The following ITPRIPL2 variants were observed in gnomAD, a reference collection of about 807,000 sequenced individuals.
ITPRIPL2 encodes the protein inositol 1,4,5-trisphosphate receptor-interacting protein-like 2.
In ITPRIPL2, 29 loss-of-function variants were observed where a neutral mutation model predicts 31.7. The observed-to-expected ratio is 0.91, with a 90% CI of 0.68 to 1.25. The LOEUF (loss-of-function observed/expected upper bound fraction) is 1.25, where lower values mean the gene tolerates loss of function less well. Ranked by LOEUF, ITPRIPL2 falls within the 50% of genes most tolerant of loss-of-function variation. ITPRIPL2 has a pLI of 0.00. For synonymous variants in ITPRIPL2, 344 were observed against 343.4 expected, an observed-to-expected ratio of 1.00 and a Z score of -0.02; for missense variants, 696 against 739.1, an observed-to-expected ratio of 0.94 and a Z score of 0.68.
In ITPRIPL2 at chr16:19,115,927, G is replaced by A. The variant is rs903354859; in HGVS notation, c.1466G>A (p.Arg489Gln). The A allele has an allele frequency of 6.8e-6, 11 of 1,612,244 alleles. No homozygotes were observed. In the African/African-American group the frequency reaches 1.1e-4, roughly 16 times the overall value. Residue 489 changes from arginine to glutamine, a missense_variant, in exon 1 of 1, where the codon CGG (arginine) becomes CAG (glutamine). Coordinates refer to ENST00000381440, the MANE Select transcript of ITPRIPL2 (RefSeq NM_001034841.4). ...CTGGCCGCTTTCGACGGGCACGCCC[G>A]GGAACTTGCAGCAGCGCGGTTGCTG... The part of the protein sequence containing the change: ...DLLAAFDGHA[R>Q]ELAAARLLST...
Position 19,115,861 on chromosome 16 carries a change from C to A in ITPRIPL2, c.1400C>A (p.Pro467His). ...GPGGAAAEVGPLPKALREAAP... is the reference protein window; with the variant it reads ...GPGGAAAEVGHLPKALREAAP... ...GGTGGGGCGGCTGCCGAGGTGGGTC[C>A]CCTGCCCAAGGCACTGAGGGAAGCC... Residue 467 changes from proline to histidine, a missense_variant, in exon 1 of 1, where the codon CCC becomes CAC. Coordinates refer to ENST00000381440, the MANE Select transcript of ITPRIPL2 (RefSeq NM_001034841.4). The A allele has an allele frequency of 6.2e-7, 1 of 1,612,084 alleles. No individual in the cohort carries two copies. Among genetic ancestry groups the A allele is most frequent in the Non-Finnish European group, 8.5e-7 (1 of 1,179,750 alleles).
rs1347657064 is a variant in ITPRIPL2, at chr16:19,114,581, C to T, written c.120C>T (p.Pro40=). The T allele has an allele frequency of 1.0e-5, 16 of 1,568,022 alleles. No homozygotes were observed. The highest frequency in any genetic ancestry group is 1.3e-5 in the African/African-American group (1 of 74,396). ...LRGSGGARAE[P]ADGVDGGFPL... ...GAAGCGGGGGCGCCCGGGCCGAGCC[C>T]GCCGACGGCGTGGATGGCGGCTTCC... Residue 40 remains proline, a synonymous_variant, in exon 1 of 1, where the codon CCC becomes CCT. Transcript: ENST00000381440.
rs114869688 is a variant in ITPRIPL2 at position 19,115,256 on chromosome 16, T to C, written c.795T>C (p.Thr265=). The change falls in exon 1 of 1, where the codon ACT becomes ACC. Residue 265 remains threonine (T), a synonymous_variant. Transcript: ENST00000381440. ...FQSHLQRSLA[T]VRYSLEGRCR... ...CGCATCTGCAGCGCTCCTTGGCCACTGTGCGTTACAGCCTGGAGGGGCGCT... is the reference window on the plus strand; with the variant it reads ...CGCATCTGCAGCGCTCCTTGGCCACCGTGCGTTACAGCCTGGAGGGGCGCT... 1,336 of 1,612,092 alleles carry C rather than the reference T, an allele frequency of 8.3e-4. 14 individuals carry two copies. In the African/African-American group the frequency reaches 0.015, roughly 18 times the overall value.
Position 19,114,623 on chromosome 16 carries a change from C to G in ITPRIPL2, c.162C>G (p.Ala54=), listed in dbSNP as rs759706617. Residue 54 remains alanine (A), a synonymous_variant, in exon 1 of 1, where the codon GCC becomes GCG. Transcript: ENST00000381440. ...GCGGCTTCCCGTTGCTTAAGGTGGC[C>G]GTCCTGCTCCTCCTCAGCTATGTCC... ...VDGGFPLLKV[A]VLLLLSYVLL... is the part of the protein sequence containing the mutation. 40 of 1,591,066 alleles carry G rather than the reference C, an allele frequency of 2.5e-5. No homozygotes were observed. Among genetic ancestry groups the G allele is most frequent in the East Asian group, 6.7e-5 (3 of 44,608 alleles).
In ITPRIPL2 at chr16:19,115,769, G is replaced by C; in HGVS notation, c.1308G>C (p.Glu436Asp). Residue 436 changes from glutamate (E) to aspartate (D), a missense_variant, in exon 1 of 1, where the codon GAG becomes GAC. Physicochemically the swap from Glu to Asp is conservative, Grantham distance 45. Coordinates refer to ENST00000381440, the MANE Select transcript of ITPRIPL2 (RefSeq NM_001034841.4). ...DEEHLGRCLEELVQFLRDCLL... is the reference protein window; with the variant it reads ...DEEHLGRCLEDLVQFLRDCLL... ...AGCACCTGGGAAGGTGTTTGGAGGA[G>C]TTGGTGCAGTTCCTTAGGGACTGCC... 1.9e-6 allele frequency: 3 copies of C among 1,613,058 alleles called. No individual in the cohort carries two copies. The highest frequency in any genetic ancestry group is 2.5e-6 in the Non-Finnish European group (3 of 1,179,998).
rs1176972392 is a variant in ITPRIPL2, at chr16:19,119,310, T to G, written c.*3241T>G. 2 of 375,744 alleles carry G rather than the reference T, an allele frequency of 5.3e-6. No homozygotes were observed. Among genetic ancestry groups the G allele is most frequent in the East Asian group, 8.0e-5 (2 of 25,036 alleles). The allele number at this position is 375,744 out of a possible 1,614,324, so 23.3% of individuals were successfully genotyped here. On this transcript the variant is annotated 3_prime_UTR_variant, in exon 1 of 1. Transcript: ENST00000381440. ...AAATGGCGTGAGGGTGTGAGAGAGG[T>G]TTGGGTTAGGAAACATGTTTTTAGT...
Position 19,119,926 on chromosome 16 carries a change from C to A in ITPRIPL2, c.*3857C>A, listed in dbSNP as rs1401260090. 3 of 166,946 alleles carry A rather than the reference C, an allele frequency of 1.8e-5. No individual in the cohort carries two copies. Among genetic ancestry groups the A allele is most frequent in the African/African-American group, 7.2e-5 (3 of 41,392 alleles). The allele number at this position is 166,946 out of a possible 1,614,324, so 10.3% of individuals were successfully genotyped here. The stretch of plus-strand genomic sequence containing the variant: ...TGCAGATGAGTAATCAGAAGGATTG[C>A]AGAATAACTTGTTTCTTTGTATTTT... On this transcript the variant is annotated 3_prime_UTR_variant, in exon 1 of 1. Transcript: ENST00000381440.
At position 19,117,383 on chromosome 16, in the gene ITPRIPL2, A is replaced by G. The variant is rs150484946; in HGVS notation, c.*1314A>G. The stretch of plus-strand genomic sequence containing the variant: ...GGCAGAGGAGACAAATTAGGAAAAG[A>G]GCAAGGGAGACAGCCCTTGACGGCA... On this transcript the variant is annotated 3_prime_UTR_variant, in exon 1 of 1. Coordinates refer to ENST00000381440, the MANE Select transcript of ITPRIPL2 (RefSeq NM_001034841.4). 1.5e-3 allele frequency: 249 copies of G among 167,222 alleles called. 1 individual carries two copies. The highest frequency in any genetic ancestry group is 4.4e-5 in the Non-Finnish European group (3 of 68,120). The allele number at this position is 167,222 out of a possible 1,614,324, so 10.4% of individuals were successfully genotyped here. A position where few individuals can be genotyped will look rare whatever the true frequency, so the allele number is the denominator to read the frequency against.
chr16:19,114,967 G>C lies in ITPRIPL2; in HGVS notation c.506G>C (p.Arg169Pro), dbSNP rs912451358. The C allele has an allele frequency of 1.0e-5, 16 of 1,603,928 alleles. No individual in the cohort carries two copies. The highest frequency in any genetic ancestry group is 1.4e-5 in the Non-Finnish European group (16 of 1,179,702). Residue 169 changes from arginine to proline, a missense_variant, in exon 1 of 1, where the codon CGC becomes CCC. By Grantham distance (103) the Arg-to-Pro change is moderately radical. Coordinates refer to ENST00000381440, the MANE Select transcript of ITPRIPL2 (RefSeq NM_001034841.4). ...AGCGCCTACGAGCAACATAAAATCC[G>C]CCGGCCCGACAGCTTCGACGTGCTG... Reference protein sequence around the residue: ...VGSAYEQHKIRRPDSFDVLVP... With the variant: ...VGSAYEQHKIPRPDSFDVLVP...
At position 19,118,829 on chromosome 16, in the gene ITPRIPL2, A is replaced by G. The variant is rs1045276102; in HGVS notation, c.*2760A>G. The G allele has an allele frequency of 1.7e-5, 7 of 410,762 alleles. No homozygotes were observed. The highest frequency in any genetic ancestry group is 1.4e-4 in the African/African-American group (7 of 48,614). 25.4% of individuals were successfully genotyped at this position (410,762 alleles called of 1,614,324 possible). ...ATGTACTGTGTACAACGGAAATAAT[A>G]TGGCATATTAGCCAGGCATGATGGT... On this transcript the variant is annotated 3_prime_UTR_variant, in exon 1 of 1. Transcript: ENST00000381440.
rs935667324 is a variant in ITPRIPL2 at position 19,118,944 on chromosome 16, G to A, written c.*2875G>A. 2 of 413,372 alleles carry A rather than the reference G, an allele frequency of 4.8e-6. No homozygotes were observed. The highest frequency in any genetic ancestry group is 4.4e-5 in the Admixed American group (1 of 22,716). The allele number at this position is 413,372 out of a possible 1,614,324, so 25.6% of individuals were successfully genotyped here. A position where few individuals can be genotyped will look rare whatever the true frequency, so the allele number is the denominator to read the frequency against. On this transcript the variant is annotated 3_prime_UTR_variant, in exon 1 of 1. Coordinates refer to ENST00000381440, the MANE Select transcript of ITPRIPL2 (RefSeq NM_001034841.4). ...TGAAATGTACACATTTTTGGTGTAT[G>A]CTTGGTACTGGAGATTCATATATGC...
chr16:19,114,884 T>C lies in ITPRIPL2; in HGVS notation c.423T>C (p.Gly141=). 6.2e-7 allele frequency: 1 copy of C among 1,608,350 alleles called. No individual in the cohort carries two copies. ...CTGGCCGCGCCCGGGGGTCCCCCGG[T>C]CTCATTCCTGGGGGAGCGCTGGCCT... The part of the protein sequence containing the change: ...VRAGRARGSP[G]LIPGGALALA... The change falls in exon 1 of 1, where the codon GGT becomes GGC. Residue 141 remains glycine, a synonymous_variant. Coordinates refer to ENST00000381440, the MANE Select transcript of ITPRIPL2 (RefSeq NM_001034841.4).
Position 19,114,455 on chromosome 16 carries a change from G to A in ITPRIPL2, c.-7G>A. ...CTGCTCGGCCACCGCCGCCCCGGGC[G>A]CCCGGCATGTCGGTGCACTACACCC... is the stretch of plus-strand genomic sequence containing the variant. On this transcript the variant is annotated 5_prime_UTR_variant, in exon 1 of 1. Coordinates refer to ENST00000381440, the MANE Select transcript of ITPRIPL2 (RefSeq NM_001034841.4). 1 of 1,386,518 alleles carries A rather than the reference G, an allele frequency of 7.2e-7. No individual in the cohort carries two copies. Among genetic ancestry groups the A allele is most frequent in the Non-Finnish European group, 9.3e-7 (1 of 1,070,984 alleles). The allele number at this position is 1,386,518 out of a possible 1,614,324, so 85.9% of individuals were successfully genotyped here. A position where few individuals can be genotyped will look rare whatever the true frequency, so the allele number is the denominator to read the frequency against.
chr16:19,114,734 C>T lies in ITPRIPL2; in HGVS notation c.273C>T (p.His91=), dbSNP rs1401585391. The T allele has an allele frequency of 8.7e-6, 14 of 1,612,726 alleles. No individual in the cohort carries two copies. The highest frequency in any genetic ancestry group is 1.2e-5 in the Non-Finnish European group (14 of 1,179,932). Residue 91 remains histidine, a synonymous_variant, in exon 1 of 1, where the codon CAC becomes CAT. Coordinates refer to ENST00000381440, the MANE Select transcript of ITPRIPL2 (RefSeq NM_001034841.4). ...GTCACGCCGCCTTCTCCTCGAGACA[C>T]TTCCGAGAGCCGGGCCTCAGCATCC... The part of the protein sequence containing the change: ...LEGHAAFSSR[H]FREPGLSILL...
chr16:19,115,305 G>T lies in ITPRIPL2; in HGVS notation c.844G>T (p.Gly282Cys). Residue 282 changes from glycine to cysteine, a missense_variant, in exon 1 of 1, where the codon GGC becomes TGC. Gly to Cys is a radical substitution (Grantham distance 159). Transcript: ENST00000381440. ...CTGTCGGGTCACCTTGACCCCAGGT[G>T]GCCTGGAACAGCCCCCCACCTTACA... is the stretch of plus-strand genomic sequence containing the variant. ...GRCRVTLTPGGLEQPPTLHIL... is the reference protein window; with the variant it reads ...GRCRVTLTPGCLEQPPTLHIL... 1 of 1,613,308 alleles carries T rather than the reference G, an allele frequency of 6.2e-7. No homozygotes were observed. Among genetic ancestry groups the T allele is most frequent in the Non-Finnish European group, 8.5e-7 (1 of 1,180,022 alleles).
rs2142435796 is a variant in ITPRIPL2, at chr16:19,115,399, T to A, written c.938T>A (p.Val313Asp). ...ATGGCTGTGCGTCTCATCCCCGCTG[T>A]CCATCTGGGAGATGGGGTCTTCCTT... Reference protein sequence around the residue: ...LSMAVRLIPAVHLGDGVFLVA... With the variant: ...LSMAVRLIPADHLGDGVFLVA... The change falls in exon 1 of 1, where the codon GTC (valine) becomes GAC (aspartate). Residue 313 changes from valine (V) to aspartate (D), a missense_variant. Physicochemically the swap from Val to Asp is radical, Grantham distance 152 (BLOSUM62 -3). Transcript: ENST00000381440. 6.2e-7 allele frequency: 1 copy of A among 1,612,558 alleles called. No individual in the cohort carries two copies. Among genetic ancestry groups the A allele is most frequent in the East Asian group, 2.2e-5 (1 of 44,874 alleles).
In ITPRIPL2 at chr16:19,116,248, T is replaced by C. The variant is rs1963443781; in HGVS notation, c.*179T>C. ...TCTCGCTTCACAGTCCAGTATAATA[T>C]GACATCTTCACACCCACTAGAGTGT... On this transcript the variant is annotated 3_prime_UTR_variant, in exon 1 of 1. Transcript: ENST00000381440. The C allele has an allele frequency of 3.2e-6, 2 of 620,896 alleles. No individual in the cohort carries two copies. The highest frequency in any genetic ancestry group is 2.3e-5 in the South Asian group (1 of 43,198). 38.5% of individuals were successfully genotyped at this position (620,896 alleles called of 1,614,324 possible).
Position 19,115,983 on chromosome 16 carries a change from C to T in ITPRIPL2, c.1522C>T (p.Arg508Trp). The T allele has an allele frequency of 2.5e-6, 4 of 1,612,870 alleles. No homozygotes were observed. The highest frequency in any genetic ancestry group is 3.4e-6 in the Non-Finnish European group (4 of 1,179,624). ...STWQRLPQLLRAYGGPRYLAR... is the reference protein window; with the variant it reads ...STWQRLPQLLWAYGGPRYLAR... ...GTGGCAAAGGCTGCCCCAGCTTCTC[C>T]GGGCCTACGGGGGTCCCCGCTACCT... Residue 508 changes from arginine (R) to tryptophan (W), a missense_variant, in exon 1 of 1, where the codon CGG becomes TGG. Physicochemically the swap from Arg to Trp is moderately radical, Grantham distance 101. Transcript: ENST00000381440.
chr16:19,115,536 C>T lies in ITPRIPL2; in HGVS notation c.1075C>T (p.Leu359=), dbSNP rs1393865800. ...VNTARQEQKL[L]SWLQERAAPG... ...CACAGCACGCCAGGAGCAGAAGCTG[C>T]TGAGTTGGCTGCAGGAACGGGCAGC... The change falls in exon 1 of 1, where the codon CTG becomes TTG. Residue 359 remains leucine, a synonymous_variant. Transcript: ENST00000381440. 3 of 1,602,622 alleles carry T rather than the reference C, an allele frequency of 1.9e-6. No individual in the cohort carries two copies. The highest frequency in any genetic ancestry group is 1.7e-6 in the Non-Finnish European group (2 of 1,178,308).
Sources: allele counts gnomAD v4.1 joint callset, GRCh38; gene constraint gnomAD v4.1.1; transcripts MANE v1.5; gene names NCBI Gene and HGNC (gene_info 2026-07-23, HGNC 2026-07-21).